CELF2: variants seen among roughly 807,000 people sequenced by gnomAD.
CELF2 encodes CUG triplet repeat RNA-binding protein 2.
Under a neutral mutation model 62.6 loss-of-function variants are expected in CELF2, and 8 were observed. The ratio of observed to expected loss-of-function variants is 0.13; its 90% CI spans 0.07 to 0.23. The LOEUF (loss-of-function observed/expected upper bound fraction) is 0.23, where lower values mean the gene tolerates loss of function less well. Among genes scored for constraint, CELF2 ranks in the 10% least tolerant of loss-of-function variants. CELF2 has a pLI of 1.00. For synonymous variants in CELF2, 258 were observed against 250.0 expected (o/e 1.03, Z -0.30); for missense variants, 333 against 671.0 (o/e 0.50, Z 5.56).
the CELF2 span, among the ~76,000 whole-genome samples, chr10:10,712,963 C>G: frequency 6.6e-6 from 1 of 152,206 alleles, no homozygotes; most frequent in Non-Finnish European, 1.5e-5. Flanking sequence ...AGCTAAGCCC[C>G]AGCCCTTGGT....
the CELF2 span, among the ~76,000 whole-genome samples, chr10:10,688,709 C>A: frequency 6.6e-6 from 1 of 152,108 alleles, no homozygotes; most frequent in African/African-American, 2.4e-5. Context: ...ATAAATGGTA[C>A]TAGCCAGTTT....
intron 2 of CELF2, among the ~76,000 whole-genome samples, chr10:10,925,750 CT>C (rs1192073953): frequency 1.3e-5 from 2 of 152,148 alleles, no homozygotes. Flanking sequence ...CCTTGCCACC[CT>C]CCAAACCGTC....
chr10:11,077,706 T>C (rs1211021545), intron 1 of CELF2, among the ~76,000 whole-genome samples: 2 of 152,200 alleles, frequency 1.3e-5, no homozygotes, highest in African/African-American at 4.8e-5. Context: ...GTAAGTGAGA[T>C]ACATTGAAGT....
Position 11,246,051 on chromosome 10 carries a change from C to G in CELF2, c.355-3102C>G, listed in dbSNP as rs971594738. On this transcript the variant is annotated intron_variant, in intron 3 of 12. Coordinates refer to ENST00000633077, the MANE Select transcript of CELF2 (RefSeq NM_001326342.2). This position sits in a 1 kb window ranked among gnomAD's most constrained non-coding sequence, Gnocchi z 4.6. Reference sequence around the variant, plus strand: ...GCGTGATTTCCAGGGTCCTTTACAGCTTTAGAGTATAGGGGCTCTGTTTTT... The same window carrying G: ...GCGTGATTTCCAGGGTCCTTTACAGGTTTAGAGTATAGGGGCTCTGTTTTT... 3.9e-5 allele frequency among the ~76,000 whole-genome samples: 6 copies of G among 152,156 alleles called. No homozygotes were observed. Among genetic ancestry groups the G allele is most frequent in the Admixed American group, 6.5e-5 (1 of 15,278 alleles).
chr10:10,936,894 C>T lies in CELF2; in HGVS notation c.89+16895C>T, dbSNP rs1390963438. 6.6e-6 allele frequency among the ~76,000 whole-genome samples: 1 copy of T among 152,136 alleles called. No homozygotes were observed. Among genetic ancestry groups the T allele is most frequent in the African/African-American group, 2.4e-5 (1 of 41,430 alleles). On this transcript the variant is annotated intron_variant, in intron 2 of 13. Coordinates refer to the CELF2 transcript ENST00000636488. The surrounding 1 kb of genome is among the most constrained non-coding windows in gnomAD (Gnocchi z 4.0). ...GAAATTCTGTATTTCTGACAAGCTCCCACGGGGTTTCTGATGATTCTGGTC... is the reference window on the plus strand; with the variant it reads ...GAAATTCTGTATTTCTGACAAGCTCTCACGGGGTTTCTGATGATTCTGGTC...
chr10:11,099,754 T>C (rs1011603975), intron 1 of CELF2, among the ~76,000 whole-genome samples: 2 of 152,162 alleles, frequency 1.3e-5, no homozygotes, highest in African/African-American at 4.8e-5. Flanking sequence ...TTGTGTAAAT[T>C]GCAGAATCTT....
the CELF2 span, among the ~76,000 whole-genome samples, chr10:10,737,851 C>A: frequency 1.3e-5 from 2 of 152,160 alleles, no homozygotes; most frequent in African/African-American, 4.8e-5. Context: ...AGACACAGTG[C>A]AAATCCCAGA....
intron 2 of CELF2, chr10:10,922,552 C>T (rs181489143): frequency 6.6e-6 from 1 of 152,162 alleles, no homozygotes; most frequent in African/African-American, 2.4e-5. Flanking sequence ...TATTAAGTAG[C>T]GCTGTATTTT....
chr10:10,964,770 C>T (rs2049933423), intron 2 of CELF2, among the ~76,000 whole-genome samples: 1 of 151,420 alleles, frequency 6.6e-6, no homozygotes, highest in Admixed American at 6.6e-5. Flanking sequence ...GCAGAAGCAG[C>T]GCAGCTCTTT....
In CELF2 at chr10:11,019,665, A is replaced by G. The variant is rs1320802790; in HGVS notation, c.74+1502A>G. 3.3e-5 allele frequency among the ~76,000 whole-genome samples: 5 copies of G among 152,300 alleles called. No individual in the cohort carries two copies. In the East Asian group the frequency reaches 7.7e-4, roughly 23 times the overall value. On this transcript the variant is annotated intron_variant, in intron 1 of 12. Transcript: ENST00000633077. ...CAAATTGTCTTTTGAGTCAATATTA[A>G]GAATGTTAATTTGCTTGTACACGAT...
At chr10:11,143,844 C>A (rs1395597759) in intron 1 of CELF2, among the ~76,000 whole-genome samples, 1 of 152,166 alleles carries the variant, frequency 6.6e-6, no homozygotes, top group Non-Finnish European at 1.5e-5. Flanking sequence ...AAAGTTTATA[C>A]CTGACTTAAA....
chr10:10,778,140 CAGAAAGGGAGCA>C, the CELF2 span, among the ~76,000 whole-genome samples: 1 of 152,090 alleles, frequency 6.6e-6, no homozygotes, highest in Non-Finnish European at 1.5e-5. Context: ...TTTATAAGTC[CAGAAAGGGAGCA>C]AGGGGTGTTG....
chr10:11,131,252 A>G (rs1276710915), intron 1 of CELF2, among the ~76,000 whole-genome samples: 1 of 152,140 alleles, frequency 6.6e-6, no homozygotes, highest in African/African-American at 2.4e-5. Context: ...CATACAGGAA[A>G]CCAGCTGTCA....
chr10:10,769,171 A>T, the CELF2 span, among the ~76,000 whole-genome samples: 3 of 152,196 alleles, frequency 2.0e-5, no homozygotes, highest in Non-Finnish European at 4.4e-5. Flanking sequence ...ATAAGAATGC[A>T]GAGATTAAAG....
chr10:10,525,588 C>A, the CELF2 span, among the ~76,000 whole-genome samples: 3 of 152,184 alleles, frequency 2.0e-5, no homozygotes, highest in Admixed American at 6.5e-5. Flanking sequence ...TGAGACCATG[C>A]AAAATTTGTC....
intron 1 of CELF2, among the ~76,000 whole-genome samples, chr10:10,863,024 A>C (rs960399898): frequency 6.6e-6 from 1 of 152,148 alleles, no homozygotes; most frequent in Admixed American, 6.5e-5. Flanking sequence ...ATTTCCTTAA[A>C]ATGATGACAA....
At chr10:10,479,292 C>T in the CELF2 span, among the ~76,000 whole-genome samples, 2 of 152,084 alleles carry the variant, frequency 1.3e-5, no homozygotes, top group African/African-American at 4.8e-5. Context: ...CCTCAGCCTC[C>T]TGAGTAACTG....
Position 11,280,982 on chromosome 10 carries a change from CTGTGTGCGTG to C in CELF2, c.841+5869_841+5878del, listed in dbSNP as rs1054648715. ...CTGATGCTGGCGTGCGTGTGCATGCCTGTGTGCGTGTGTGTGTGTGTGTGTGTGTGTGTGT... is the reference window on the plus strand; with the variant it reads ...CTGATGCTGGCGTGCGTGTGCATGCCTGTGTGTGTGTGTGTGTGTGTGTGT... On this transcript the variant is annotated intron_variant, in intron 8 of 12. Transcript: ENST00000633077. The surrounding 1 kb of genome is among the most constrained non-coding windows in gnomAD (Gnocchi z 7.6). 2.5e-5 allele frequency among the ~76,000 whole-genome samples: 3 copies of C among 119,776 alleles called. No individual in the cohort carries two copies. Among genetic ancestry groups the C allele is most frequent in the Non-Finnish European group, 5.1e-5 (3 of 59,322 alleles). The allele number at this position is 119,776 out of a possible 152,430, so 78.6% of individuals were successfully genotyped here. A position where few individuals can be genotyped will look rare whatever the true frequency, so the allele number is the denominator to read the frequency against.
rs79065658 is a variant in CELF2 at position 11,304,549 on chromosome 10, C to T, written c.977-9590C>T. ...GGGACTCTGCAGTCCTGAGGCAGTG[C>T]GGGGCATCACATGGCCGGGGCTGAG... is the stretch of plus-strand genomic sequence containing the variant. On this transcript the variant is annotated intron_variant, in intron 9 of 12. Transcript: ENST00000633077. Among the ~76,000 whole-genome samples, 659 of 152,226 alleles carry T rather than the reference C, an allele frequency of 4.3e-3. 13 individuals are homozygous for T. The highest frequency in any genetic ancestry group is 0.036 in the East Asian group (186 of 5,174).
Sources: allele counts gnomAD v4.1 joint callset (sites outside exome capture counted in the v4.1 genomes callset), GRCh38; gene constraint gnomAD v4.1.1; non-coding constraint Gnocchi (gnomAD v3.1); transcripts MANE v1.5; gene names NCBI Gene and HGNC (gene_info 2026-07-23, HGNC 2026-07-21).